Variants in ACIN1 observed in about 807,000 individuals in gnomAD.
ACIN1 encodes apoptotic chromatin condensation inducer in the nucleus.
In ACIN1, 16 loss-of-function variants were observed where a neutral mutation model predicts 146.6. That is an observed-to-expected ratio of 0.11 (90% CI 0.07 to 0.17). The LOEUF (loss-of-function observed/expected upper bound fraction) is 0.17, where lower values mean the gene tolerates loss of function less well. ACIN1 is among the 10% of genes least tolerant of loss of function. The pLI is 1.00. For missense variants in ACIN1, 1,357 were observed against 1,609.3 expected, an observed-to-expected ratio of 0.84 and a Z score of 2.68; for synonymous variants, 569 against 582.7, an observed-to-expected ratio of 0.98 and a Z score of 0.34.
chr14:23,062,310 T>C, intron 15 of ACIN1, 35 bp from the exon 16 acceptor site: 1 of 1,599,014 alleles, frequency 6.3e-7, no homozygotes, highest in Non-Finnish European at 8.6e-7. Context: ...AGGGTCACAG[T>C]GTGTCTGCAA....
chr14:23,081,308 A>AT (rs2047939466), intron 5 of ACIN1, among the ~76,000 whole-genome samples: 2 of 152,358 alleles, frequency 1.3e-5, no homozygotes, highest in African/African-American at 4.8e-5. Flanking sequence ...ATTATGTCAT[A>AT]TCTTGTCTAA....
Position 23,061,114 on chromosome 14 carries a change from G to A in ACIN1, c.3495C>T (p.Cys1165=). The A allele has an allele frequency of 6.2e-7, 1 of 1,614,156 alleles. No homozygotes were observed. The highest frequency in any genetic ancestry group is 1.1e-5 in the South Asian group (1 of 91,082). Residue 1165 remains cysteine, a synonymous_variant, in exon 18 of 19, where the codon TGC becomes TGT. Coordinates refer to ENST00000605057, the MANE Select transcript of ACIN1 (RefSeq NM_001386863.1). ...DLFRKTKAAP[C]IYWLPLTDSQ... is the part of the protein sequence containing the mutation. ...TGTCAGTCAGTGGGAGCCAATAGAT[G>A]CAGGGAGCTGCCTTGGTCTTTCGGA...
chr14:23,061,997 G>A (rs1359163200), intron 16 of ACIN1, among the ~76,000 whole-genome samples, 171 bp downstream of exon 16: 1 of 132,496 alleles, frequency 7.5e-6, no homozygotes, highest in Non-Finnish European at 1.6e-5. Flanking sequence ...AAAAAAAGGA[G>A]CCCAGGTACC....
intron 10 of ACIN1, 93 bp from the exon 11 acceptor site, chr14:23,064,581 T>C (rs1391143379): frequency 2.0e-6 from 3 of 1,506,544 alleles, no homozygotes; most frequent in African/African-American, 2.8e-5. Context: ...GGCTGGAGTT[T>C]TGGTAAAAGG....
chr14:23,089,874 T>C (rs2048182960), intron 4 of ACIN1, 108 bp downstream of exon 4: 2 of 1,342,910 alleles, frequency 1.5e-6, no homozygotes, highest in Admixed American at 2.9e-5. Flanking sequence ...TGTCACAGAA[T>C]TTCCCTGGGA....
chr14:23,081,711 A>G, intron 5 of ACIN1, 37 bp downstream of exon 5: 1 of 1,504,472 alleles, frequency 6.6e-7, no homozygotes, highest in Non-Finnish European at 9.1e-7. Context: ...CCAAAGCATT[A>G]CTGAAGAGGT....
chr14:23,061,971 C>CAAAAAAA lies in ACIN1; in HGVS notation c.3099+190_3099+196dup, dbSNP rs57962360. Among the ~76,000 whole-genome samples the CAAAAAAA allele has an allele frequency of 1.7e-3, 99 of 59,090 alleles. 1 individual carries two copies. The highest frequency in any genetic ancestry group is 2.1e-3 in the Non-Finnish European group (66 of 31,582). The allele number at this position is 59,090 out of a possible 152,430, so 38.8% of individuals were successfully genotyped here. On this transcript the variant is annotated intron_variant, in intron 16 of 18. Coordinates refer to ENST00000605057, the MANE Select transcript of ACIN1 (RefSeq NM_001386863.1). ...CCTGGGAGACAGCGAGACTCTGTCT[C>CAAAAAAA]AAAAAAAAAAAAAAAAAAAAAAGGA...
rs201496360 is a variant in ACIN1, at chr14:23,060,885, G to A, written c.3525+199C>T. Among the ~76,000 whole-genome samples, 4 of 152,210 alleles carry A rather than the reference G, an allele frequency of 2.6e-5. No individual in the cohort carries two copies. In the East Asian group the frequency reaches 5.8e-4, roughly 22 times the overall value. On this transcript the variant is annotated intron_variant, in intron 18 of 18. Transcript: ENST00000605057. ...TCCACAAACTTCAGCTGCTATCTGCGTGTCTATCTTTACCCTCCTGAGTCT... is the reference window on the plus strand; with the variant it reads ...TCCACAAACTTCAGCTGCTATCTGCATGTCTATCTTTACCCTCCTGAGTCT...
chr14:23,063,654 G>C (rs759905879), intron 12 of ACIN1, 77 bp from the exon 13 acceptor site: 2 of 1,552,614 alleles, frequency 1.3e-6, no homozygotes, highest in Non-Finnish European at 1.8e-6. Flanking sequence ...TGGTTCCCCG[G>C]TAAGAGTAGC....
In ACIN1 at chr14:23,059,032, G is replaced by GA. The variant is rs1304334847; in HGVS notation, c.*115dup. Reference sequence around the variant, plus strand: ...CTTTTCCATTTGGTATGTATGTAGGGATAGGTGATGTGAAAGACCCTTGGC... The same window carrying GA: ...CTTTTCCATTTGGTATGTATGTAGGGAATAGGTGATGTGAAAGACCCTTGGC... On this transcript the variant is annotated 3_prime_UTR_variant, in exon 19 of 19. Transcript: ENST00000605057. The GA allele has an allele frequency of 4.3e-6, 4 of 936,112 alleles. No homozygotes were observed. Among genetic ancestry groups the GA allele is most frequent in the Non-Finnish European group, 6.6e-6 (4 of 606,466 alleles). The allele number at this position is 936,112 out of a possible 1,614,324, so 58.0% of individuals were successfully genotyped here. A position where few individuals can be genotyped will look rare whatever the true frequency, so the allele number is the denominator to read the frequency against.
Position 23,074,948 on chromosome 14 carries a change from C to A in ACIN1, c.2123+3203G>T, listed in dbSNP as rs117913688. ...TAATAAGAAACAGTGGGACTAGATACCCTCAGAAGCATACTGGTCCCAAGA... is the reference window on the plus strand; with the variant it reads ...TAATAAGAAACAGTGGGACTAGATAACCTCAGAAGCATACTGGTCCCAAGA... On this transcript the variant is annotated intron_variant, in intron 8 of 18. Transcript: ENST00000605057. Among the ~76,000 whole-genome samples the A allele has an allele frequency of 2.7e-4, 41 of 152,190 alleles. No individual in the cohort carries two copies. The East Asian group carries it at 6.9e-3, about 26-fold the overall frequency.
chr14:23,071,084 GC>G, intron 8 of ACIN1: 1 of 1,534,532 alleles, frequency 6.5e-7, no homozygotes, highest in Non-Finnish European at 8.8e-7. Context: ...GGGAGCTAGG[GC>G]GGCGGGGAAA....
In ACIN1 at chr14:23,078,131, G is replaced by A. The variant is rs1360157055; in HGVS notation, c.2123+20C>T. 4 of 1,609,722 alleles carry A rather than the reference G, an allele frequency of 2.5e-6. No homozygotes were observed. The highest frequency in any genetic ancestry group is 2.2e-5 in the East Asian group (1 of 44,844). On this transcript the variant is annotated intron_variant, in intron 8 of 18. Coordinates refer to ENST00000605057, the MANE Select transcript of ACIN1 (RefSeq NM_001386863.1). ...CACTCATAGTTCCCTGTTATACCCC[G>A]GTCGAGATATATCACTTACACAGTG...
chr14:23,062,140 C>T (rs535621433), intron 16 of ACIN1, 28 bp downstream of exon 16: 4 of 1,536,318 alleles, frequency 2.6e-6, no homozygotes, highest in Non-Finnish European at 2.7e-6. Flanking sequence ...CCTGCCCCTC[C>T]TCTCTTTCCT....
chr14:23,073,636 C>A (rs1306598824), intron 8 of ACIN1, among the ~76,000 whole-genome samples: 1 of 151,998 alleles, frequency 6.6e-6, no homozygotes, highest in East Asian at 1.9e-4. Flanking sequence ...CCAGCCTGGG[C>A]AACAAGAGCA....
intron 4 of ACIN1, among the ~76,000 whole-genome samples, chr14:23,088,446 GCTCT>G (rs895239003): frequency 3.3e-5 from 5 of 152,078 alleles, no homozygotes; most frequent in Non-Finnish European, 5.9e-5. Context: ...AGACTCAAAG[GCTCT>G]CTATTTTCTC....
At chr14:23,075,342 T>TA (rs1555372708) in intron 8 of ACIN1, among the ~76,000 whole-genome samples, 21 of 150,106 alleles carry the variant, frequency 1.4e-4, no homozygotes, top group African/African-American at 4.6e-4. Flanking sequence ...TTTTTTTTTT[T>TA]AAGTAAAAAG....
At chr14:23,092,622 A>C (rs11848136) in intron 2 of ACIN1, among the ~76,000 whole-genome samples, 3,409 of 152,312 alleles carry the variant, frequency 0.022, 140 homozygotes, top group African/African-American at 0.077. Flanking sequence ...TGCTTTAACA[A>C]AGACTTGGAT....
intron 1 of ACIN1, 125 bp downstream of exon 1, chr14:23,094,850 A>C (rs902036911): frequency 1.8e-5 from 25 of 1,351,808 alleles, no homozygotes; most frequent in Non-Finnish European, 2.5e-5. Context: ...GCGCGGATCC[A>C]GAGGCTCGCG....
Sources: allele counts gnomAD v4.1 joint callset (sites outside exome capture counted in the v4.1 genomes callset), GRCh38; gene constraint gnomAD v4.1.1; transcripts MANE v1.5; gene names NCBI Gene and HGNC (gene_info 2026-07-23, HGNC 2026-07-21).